ATXN1: variants seen among roughly 807,000 people sequenced by gnomAD.
ATXN1 encodes ataxin-1.
In ATXN1, 8 loss-of-function variants were observed where a neutral mutation model predicts 56.4. That is an observed-to-expected ratio of 0.14 (90% CI 0.08 to 0.26). ATXN1 has a LOEUF of 0.26. Ranked by LOEUF, ATXN1 falls within the 10% of genes least tolerant of loss-of-function variation. The pLI is 1.00. For missense variants in ATXN1, 987 were observed against 1,106.5 expected, an observed-to-expected ratio of 0.89 and a Z score of 1.53; for synonymous variants, 514 against 494.6, an observed-to-expected ratio of 1.04 and a Z score of -0.52.
rs1554147544 is a variant in ATXN1 at position 16,440,648 on chromosome 6, A to AAAAAGAAAGAAAG, written c.-161+45323_-161+45324insCTTTCTTTCTTTT. 1.0e-4 allele frequency among the ~76,000 whole-genome samples: 12 copies of AAAAAGAAAGAAAG among 118,570 alleles called. 1 individual carries two copies. In the East Asian group the frequency reaches 2.9e-3, roughly 29 times the overall value. The allele number at this position is 118,570 out of a possible 152,430, so 77.8% of individuals were successfully genotyped here. ...AGAGTGAGACCCTGTCTTAAAAAAA[A>AAAAAGAAAGAAAG]AAAAGAAAAGAAAAGAAAAAATTAA... On this transcript the variant is annotated intron_variant, in intron 6 of 7. Coordinates refer to ENST00000436367, the MANE Select transcript of ATXN1 (RefSeq NM_001128164.2).
chr6:16,386,978 A>G (rs922383840), intron 6 of ATXN1, among the ~76,000 whole-genome samples: 4 of 152,092 alleles, frequency 2.6e-5, no homozygotes, highest in African/African-American at 9.7e-5. Context: ...AGCCTCCCCT[A>G]TATCATTTTT....
intron 6 of ATXN1, among the ~76,000 whole-genome samples, chr6:16,372,719 G>A (rs1335852291): frequency 6.6e-6 from 1 of 152,022 alleles, no homozygotes; most frequent in Non-Finnish European, 1.5e-5. Flanking sequence ...TTTGAGACCA[G>A]CCTGGGCAAC....
intron 2 of ATXN1, among the ~76,000 whole-genome samples, chr6:16,663,195 C>T (rs1758357661): frequency 6.6e-6 from 1 of 151,918 alleles, no homozygotes; most frequent in Non-Finnish European, 1.5e-5. Flanking sequence ...TCTCTAACTC[C>T]TGACCTCAGG....
At chr6:16,380,277 C>G (rs1353538987) in intron 6 of ATXN1, among the ~76,000 whole-genome samples, 2 of 152,178 alleles carry the variant, frequency 1.3e-5, no homozygotes, top group African/African-American at 4.8e-5. Flanking sequence ...TGTTCACAAA[C>G]TTTCAGTGAG....
chr6:16,706,702 C>G (rs531733270), intron 2 of ATXN1, among the ~76,000 whole-genome samples: 59 of 139,148 alleles, frequency 4.2e-4, no homozygotes, highest in African/African-American at 1.5e-3. Flanking sequence ...CCAGCCTGGG[C>G]GACAGAGCAA....
chr6:16,430,397 G>C (rs1423620384), intron 6 of ATXN1, among the ~76,000 whole-genome samples: 1 of 151,568 alleles, frequency 6.6e-6, no homozygotes, highest in Non-Finnish European at 1.5e-5. Context: ...GTTATTAACA[G>C]CCCAGCCTGT....
chr6:16,394,462 G>C (rs1758414491), intron 6 of ATXN1, among the ~76,000 whole-genome samples: 1 of 152,030 alleles, frequency 6.6e-6, no homozygotes, highest in South Asian at 2.1e-4. Context: ...TTATGGGCTA[G>C]AGTATGATGT....
At chr6:16,385,481 G>A (rs1469747750) in intron 6 of ATXN1, among the ~76,000 whole-genome samples, 3 of 152,206 alleles carry the variant, frequency 2.0e-5, no homozygotes, top group Admixed American at 2.0e-4. Context: ...CAGCACCAAG[G>A]CTGCTGAATG....
chr6:16,738,812 T>C (rs1760227632), intron 2 of ATXN1: 1 of 152,244 alleles, frequency 6.6e-6, no homozygotes, highest in Admixed American at 6.5e-5. Flanking sequence ...GAATTCAATT[T>C]TCTTTAAGTG....
At chr6:16,438,961 A>T (rs1235281869) in intron 6 of ATXN1, among the ~76,000 whole-genome samples, 3 of 152,176 alleles carry the variant, frequency 2.0e-5, no homozygotes, top group African/African-American at 7.2e-5. Flanking sequence ...ATGGGAATCA[A>T]GTCTAACAGA....
Position 16,760,699 on chromosome 6 carries a change from G to T in ATXN1, c.-730+599C>A, listed in dbSNP as rs1761062296. Reference sequence around the variant, plus strand: ...ACCCCCGCCCCAGGGCGCCGAGGCCGGGCGACCACCCGCGGAGAAGTCCAG... The same window carrying T: ...ACCCCCGCCCCAGGGCGCCGAGGCCTGGCGACCACCCGCGGAGAAGTCCAG... On this transcript the variant is annotated intron_variant, in intron 1 of 7. Transcript: ENST00000436367. The surrounding 1 kb of genome is among the most constrained non-coding windows in gnomAD (Gnocchi z 5.3). Among the ~76,000 whole-genome samples, 1 of 150,966 alleles carries T rather than the reference G, an allele frequency of 6.6e-6. No homozygotes were observed.
chr6:16,580,152 C>A (rs1427066959), intron 4 of ATXN1, among the ~76,000 whole-genome samples: 3 of 152,130 alleles, frequency 2.0e-5, no homozygotes, highest in Non-Finnish European at 4.4e-5. Flanking sequence ...TATTTGAACA[C>A]TGATGAAATG....
chr6:16,614,319 T>C (rs1737309), intron 3 of ATXN1, among the ~76,000 whole-genome samples: 22,497 of 132,320 alleles, frequency 0.17, 2,485 homozygotes, highest in African/African-American at 0.32. Flanking sequence ...TTCTCTTTTA[T>C]GGGTTGCCAT....
At chr6:16,520,913 A>G (rs1374451871) in intron 5 of ATXN1, among the ~76,000 whole-genome samples, 2 of 152,240 alleles carry the variant, frequency 1.3e-5, no homozygotes, top group Non-Finnish European at 1.5e-5. Flanking sequence ...CTGTATGTAC[A>G]TAAGGAGATG....
chr6:16,447,784 T>C (rs1182935143), intron 6 of ATXN1, among the ~76,000 whole-genome samples: 1 of 152,252 alleles, frequency 6.6e-6, no homozygotes, highest in African/African-American at 2.4e-5. Flanking sequence ...TTAATCTTTA[T>C]TGAAGCTTGT....
At chr6:16,421,522 G>T (rs568264651) in intron 6 of ATXN1, among the ~76,000 whole-genome samples, 85 of 152,110 alleles carry the variant, frequency 5.6e-4, no homozygotes, top group African/African-American at 1.8e-3. Flanking sequence ...CTCTGAATGG[G>T]CATTTTTCAA....
At chr6:16,361,802 T>G (rs142901493) in intron 6 of ATXN1, among the ~76,000 whole-genome samples, 1 of 152,376 alleles carries the variant, frequency 6.6e-6, no homozygotes, top group African/African-American at 2.4e-5. Flanking sequence ...ACATTTGATT[T>G]TCCTGTGAGG....
chr6:16,344,680 G>C (rs978323405), intron 6 of ATXN1, among the ~76,000 whole-genome samples: 6 of 152,220 alleles, frequency 3.9e-5, no homozygotes, highest in African/African-American at 1.4e-4. Flanking sequence ...CTACTTTTGA[G>C]GTCTTGGGAC....
chr6:16,735,348 T>G (rs1760093198), intron 2 of ATXN1, among the ~76,000 whole-genome samples: 1 of 152,234 alleles, frequency 6.6e-6, no homozygotes, highest in Non-Finnish European at 1.5e-5. Flanking sequence ...TTTCTGAGTG[T>G]GTACACTCCC....
Sources: gnomAD v4.1 joint callset for allele counts (sites outside exome capture counted in the v4.1 genomes callset) on GRCh38, gnomAD v4.1.1 for gene constraint, Gnocchi (gnomAD v3.1) non-coding constraint, MANE v1.5 for transcripts, NCBI Gene and HGNC (gene_info 2026-07-23, HGNC 2026-07-21) for gene names.